FNIP1: variants seen among roughly 807,000 people sequenced by gnomAD.
FNIP1 encodes the protein folliculin interacting protein 1, also known as folliculin-interacting protein 1.
Under a neutral mutation model 124.5 loss-of-function variants are expected in FNIP1, and 40 were observed. That is an observed-to-expected ratio of 0.32 (90% confidence interval 0.25 to 0.42). The LOEUF (loss-of-function observed/expected upper bound fraction) is 0.42, where lower values mean the gene tolerates loss of function less well. Among genes scored for constraint, FNIP1 ranks in the 10% least tolerant of loss-of-function variants. The pLI is 1.00. For synonymous variants in FNIP1, 472 were observed against 470.6 expected, an observed-to-expected ratio of 1.00 and a Z score of -0.04; for missense variants, 1,176 against 1,403.7, an observed-to-expected ratio of 0.84 and a Z score of 2.59.
rs1423090693 is a variant in FNIP1 at position 131,672,197 on chromosome 5, T to C, written c.2247A>G (p.Thr749=). 1.5e-5 allele frequency: 24 copies of C among 1,614,192 alleles called. No individual in the cohort carries two copies. The highest frequency in any genetic ancestry group is 2.0e-5 in the Non-Finnish European group (24 of 1,180,034). ...AATCCCCAATCAGGAAAGTAACCTT[T>C]GTCTGGGCAGCCTCACAAGAAAATG... ...PASFSCEAAQ[T]KVTFLIGDSM... The change falls in exon 14 of 18, where the codon ACA becomes ACG. Residue 749 remains threonine (T), a synonymous_variant. Transcript: ENST00000510461.
At chr5:131,755,996 C>CA (rs1352822556) in intron 1 of FNIP1, among the ~76,000 whole-genome samples, 1 of 145,354 alleles carries the variant, frequency 6.9e-6, no homozygotes, top group Non-Finnish European at 1.5e-5. Context: ...GCCTGGGCGA[C>CA]AGAGAGACTG....
At chr5:131,671,440 CA>C in intron 14 of FNIP1, 64 bp downstream of exon 14, 4 of 1,265,568 alleles carry the variant, frequency 3.2e-6, no homozygotes, top group Non-Finnish European at 4.4e-6. Context: ...CTTCAGAGAA[CA>C]GCTAAAAAAG....
At position 131,779,372 on chromosome 5, in the gene FNIP1, G is replaced by T. The variant is rs141471209; in HGVS notation, c.92+17458C>A. 5.8e-3 allele frequency among the ~76,000 whole-genome samples: 876 copies of T among 152,094 alleles called. 12 individuals carry two copies. The highest frequency in any genetic ancestry group is 0.02 in the African/African-American group (851 of 41,518). Reference sequence around the variant, plus strand: ...AATTGTTTCAAGATTCATATTCAAGGATGTATACATGAAATGATAAGATGT... The same window carrying T: ...AATTGTTTCAAGATTCATATTCAAGTATGTATACATGAAATGATAAGATGT... On this transcript the variant is annotated intron_variant, in intron 1 of 17. Transcript: ENST00000510461.
At chr5:131,684,954 A>G (rs1244665822) in intron 11 of FNIP1, among the ~76,000 whole-genome samples, 1 of 152,228 alleles carries the variant, frequency 6.6e-6, no homozygotes, top group Non-Finnish European at 1.5e-5. Flanking sequence ...GGATTCTTTC[A>G]AGCAAATAAG....
intron 2 of FNIP1, among the ~76,000 whole-genome samples, chr5:131,741,035 A>AATAACC (rs1223655456): frequency 6.6e-6 from 1 of 152,196 alleles, no homozygotes; most frequent in Non-Finnish European, 1.5e-5. Flanking sequence ...ACAATCAAGA[A>AATAACC]ATAACCATAA....
chr5:131,790,457 C>A (rs139168326), intron 1 of FNIP1, among the ~76,000 whole-genome samples: 1 of 108,386 alleles, frequency 9.2e-6, no homozygotes, highest in East Asian at 3.0e-4. Flanking sequence ...CCCGCCTGGG[C>A]GATAGAGCAA....
At chr5:131,738,218 T>C (rs932723493) in intron 2 of FNIP1, among the ~76,000 whole-genome samples, 10 of 152,196 alleles carry the variant, frequency 6.6e-5, no homozygotes, top group African/African-American at 2.2e-4. Context: ...GAGGATCTTA[T>C]AAACGTATGA....
intron 1 of FNIP1, among the ~76,000 whole-genome samples, chr5:131,790,313 T>C (rs1772363241): frequency 6.6e-6 from 1 of 151,722 alleles, no homozygotes; most frequent in Non-Finnish European, 1.5e-5. Flanking sequence ...ACCCCGTGTC[T>C]ACAAAAAATA....
rs570739415 is a variant in FNIP1, at chr5:131,665,179, A to T, written c.3108+5284T>A. On this transcript the variant is annotated intron_variant, in intron 15 of 17. Coordinates refer to ENST00000510461, the MANE Select transcript of FNIP1 (RefSeq NM_133372.3). ...GTATTACTTTCATTATAGCCAAAGA[A>T]ACTGAGGCTTTCCTAGAGTAAGTAT... Among the ~76,000 whole-genome samples the T allele has an allele frequency of 3.3e-5, 5 of 152,238 alleles. No homozygotes were observed. The East Asian group carries it at 9.7e-4, about 29-fold the overall frequency.
intron 4 of FNIP1, 63 bp from the exon 5 acceptor site, chr5:131,719,123 A>T: frequency 6.8e-7 from 1 of 1,472,060 alleles, no homozygotes; most frequent in South Asian, 1.2e-5. Flanking sequence ...TGGATTTATT[A>T]TAAATAAAAA....
intron 1 of FNIP1, among the ~76,000 whole-genome samples, chr5:131,763,166 A>G (rs1206892993): frequency 6.6e-6 from 1 of 152,212 alleles, no homozygotes; most frequent in Non-Finnish European, 1.5e-5. Flanking sequence ...TAAAAGTATA[A>G]TTGGATTGTA....
chr5:131,699,941 A>C (rs1768839962), intron 10 of FNIP1, among the ~76,000 whole-genome samples: 1 of 133,340 alleles, frequency 7.5e-6, no homozygotes, highest in Non-Finnish European at 1.7e-5. Context: ...AAAAAAAGGG[A>C]ATATAAAGAT....
chr5:131,671,279 T>C (rs1016391188), intron 14 of FNIP1, among the ~76,000 whole-genome samples: 2 of 152,198 alleles, frequency 1.3e-5, no homozygotes, highest in South Asian at 2.1e-4. Flanking sequence ...AGAAATCTTA[T>C]ACTTATCAAC....
At chr5:131,656,008 G>C (rs988358230) in intron 15 of FNIP1, among the ~76,000 whole-genome samples, 8 of 152,120 alleles carry the variant, frequency 5.3e-5, no homozygotes, top group Admixed American at 2.6e-4. Context: ...GGTGTTTGAG[G>C]CTGCAGTGAG....
rs962685973 is a variant in FNIP1, at chr5:131,644,419, C to T, written c.*266G>A. 15 of 286,514 alleles carry T rather than the reference C, an allele frequency of 5.2e-5. 1 individual carries two copies. In the South Asian group the frequency reaches 6.3e-4, roughly 12 times the overall value. 17.7% of individuals were successfully genotyped at this position (286,514 alleles called of 1,614,324 possible). On this transcript the variant is annotated 3_prime_UTR_variant, in exon 18 of 18. Transcript: ENST00000510461. ...ATATTCATTTTGTAGAAATTTCTAC[C>T]GTACACTTTGGCTTTTTCAAATGCT...
intron 3 of FNIP1, among the ~76,000 whole-genome samples, chr5:131,728,666 T>A (rs2149548581): frequency 6.6e-6 from 1 of 152,254 alleles, no homozygotes; most frequent in Non-Finnish European, 1.5e-5. Context: ...TTTATTATCT[T>A]CTGAAGCCTA....
chr5:131,721,924 A>G (rs1487969176), intron 3 of FNIP1, among the ~76,000 whole-genome samples: 1 of 152,222 alleles, frequency 6.6e-6, no homozygotes, highest in Non-Finnish European at 1.5e-5. Flanking sequence ...TACTATTTAG[A>G]TATCATGGCA....
chr5:131,673,902 C>T (rs981073880), intron 13 of FNIP1, among the ~76,000 whole-genome samples: 11 of 151,620 alleles, frequency 7.3e-5, no homozygotes, highest in Non-Finnish European at 7.4e-5. Context: ...CAGGTGGTGT[C>T]GTGGGCACCT....
At chr5:131,747,672 C>G in intron 1 of FNIP1, among the ~76,000 whole-genome samples, 1 of 152,002 alleles carries the variant, frequency 6.6e-6, no homozygotes, top group East Asian at 1.9e-4. Flanking sequence ...ATAGCAAGGA[C>G]AGTTCTAAGG....
Sources: allele counts gnomAD v4.1 joint callset (sites outside exome capture counted in the v4.1 genomes callset), GRCh38; gene constraint gnomAD v4.1.1; transcripts MANE v1.5; gene names NCBI Gene and HGNC (gene_info 2026-07-23, HGNC 2026-07-21).